Variants in ELMOD1 observed in about 807,000 individuals in gnomAD.
ELMOD1 encodes the protein ELMO domain-containing protein 1.
Under a neutral mutation model 46.7 loss-of-function variants are expected in ELMOD1, and 21 were observed. The observed-to-expected ratio is 0.45, with a 90% CI of 0.32 to 0.65. ELMOD1 has a LOEUF of 0.65. ELMOD1 is among the 30% of genes least tolerant of loss of function. The probability of loss-of-function intolerance (pLI) is 0.04; values close to 1 mark genes in which losing one functional copy is unlikely to be tolerated. For missense variants in ELMOD1, 348 were observed against 407.8 expected (o/e 0.85, Z 1.26); for synonymous variants, 122 against 138.2 (o/e 0.88, Z 0.82).
At chr11:107,631,108 T>A (rs1325206268) in intron 4 of ELMOD1, among the ~76,000 whole-genome samples, 1 of 152,172 alleles carries the variant, frequency 6.6e-6, no homozygotes, top group Non-Finnish European at 1.5e-5. Context: ...GCCACTATGC[T>A]AGCTTTTGTA....
chr11:107,621,852 C>A (rs1291560750), intron 2 of ELMOD1, among the ~76,000 whole-genome samples: 1 of 152,144 alleles, frequency 6.6e-6, no homozygotes, highest in Non-Finnish European at 1.5e-5. Context: ...CAAGGTGAAA[C>A]CCCATCTCTA....
intron 2 of ELMOD1, chr11:107,625,601 C>G (rs1175330954): frequency 1.0e-6 from 1 of 976,876 alleles, no homozygotes; most frequent in Non-Finnish European, 1.2e-6. Flanking sequence ...GTTTTGAAAG[C>G]CCCATCCCTC....
intron 1 of ELMOD1, among the ~76,000 whole-genome samples, chr11:107,616,671 G>T (rs545183368): frequency 6.6e-6 from 1 of 152,226 alleles, no homozygotes; most frequent in Non-Finnish European, 1.5e-5. Flanking sequence ...GAGCCAGGGT[G>T]CCTGGCCTGC....
At chr11:107,651,410 G>T (rs1866524007) in intron 9 of ELMOD1, among the ~76,000 whole-genome samples, 1 of 152,096 alleles carries the variant, frequency 6.6e-6, no homozygotes, top group Non-Finnish European at 1.5e-5. Flanking sequence ...TTAGTTGTTA[G>T]TACTCATGTT....
intron 2 of ELMOD1, among the ~76,000 whole-genome samples, chr11:107,618,869 G>T (rs944288545): frequency 9.9e-5 from 15 of 152,174 alleles, no homozygotes; most frequent in African/African-American, 3.4e-4. Context: ...TCTATTAATG[G>T]AATTCCCAGA....
At chr11:107,638,093 G>A (rs548698499) in intron 6 of ELMOD1, among the ~76,000 whole-genome samples, 4 of 151,960 alleles carry the variant, frequency 2.6e-5, no homozygotes, top group African/African-American at 9.7e-5. Context: ...AGAATAAGTC[G>A]TGCCATACCA....
chr11:107,638,667 C>T (rs1866269362), intron 6 of ELMOD1, among the ~76,000 whole-genome samples: 1 of 152,154 alleles, frequency 6.6e-6, no homozygotes, highest in Admixed American at 6.5e-5. Flanking sequence ...AGTCAGCAAA[C>T]CAAGGCCTGC....
chr11:107,612,680 T>TCA (rs1206923545), intron 1 of ELMOD1, among the ~76,000 whole-genome samples: 2 of 152,242 alleles, frequency 1.3e-5, no homozygotes, highest in Admixed American at 6.5e-5. Flanking sequence ...GCTCAGAACA[T>TCA]CACACACACA....
intron 5 of ELMOD1, 54 bp downstream of exon 5, chr11:107,631,731 G>A: frequency 1.0e-6 from 1 of 960,144 alleles, no homozygotes; most frequent in Non-Finnish European, 1.5e-6. Flanking sequence ...CATGGCCACA[G>A]GTTTAGTGTT....
At chr11:107,600,350 G>C (rs1346180694) in intron 1 of ELMOD1, 1 of 151,764 alleles carries the variant, frequency 6.6e-6, no homozygotes, top group Admixed American at 6.6e-5. Context: ...AGTCTTTGAA[G>C]GTTTTTTAAA....
intron 1 of ELMOD1, among the ~76,000 whole-genome samples, chr11:107,601,244 A>G (rs537473436): frequency 6.6e-6 from 1 of 151,884 alleles, no homozygotes; most frequent in East Asian, 1.9e-4. Context: ...TCTCTTATAC[A>G]TGTTTCTCCT....
chr11:107,592,557 C>G, intron 1 of ELMOD1: 1 of 346,072 alleles, frequency 2.9e-6, no homozygotes, highest in East Asian at 7.0e-5. Flanking sequence ...TATGACAACA[C>G]GTAGTTACAG....
intron 1 of ELMOD1, among the ~76,000 whole-genome samples, chr11:107,598,791 T>G (rs1211040050): frequency 6.6e-6 from 1 of 152,248 alleles, no homozygotes; most frequent in East Asian, 1.9e-4. Flanking sequence ...TGTGTCAGCA[T>G]TTCAAGTGTT....
intron 5 of ELMOD1, among the ~76,000 whole-genome samples, chr11:107,631,932 T>C (rs1565380887): frequency 6.6e-6 from 1 of 152,206 alleles, no homozygotes; most frequent in East Asian, 1.9e-4. Flanking sequence ...AGTGCCCCGA[T>C]AGAGAAAGAT....
chr11:107,611,028 G>A (rs778385850), intron 1 of ELMOD1, among the ~76,000 whole-genome samples: 1 of 144,288 alleles, frequency 6.9e-6, no homozygotes, highest in Non-Finnish European at 1.5e-5. Flanking sequence ...GAAAACCTAG[G>A]GAACATCATT....
At chr11:107,626,361 A>G (rs1201807912) in intron 2 of ELMOD1, among the ~76,000 whole-genome samples, 1 of 149,846 alleles carries the variant, frequency 6.7e-6, no homozygotes, top group Non-Finnish European at 1.5e-5. Flanking sequence ...GCCTCCTCCC[A>G]AAGCATGCAG....
intron 1 of ELMOD1, chr11:107,592,349 C>A (rs1204746981): frequency 1.9e-6 from 1 of 533,946 alleles, no homozygotes; most frequent in African/African-American, 1.9e-5. Flanking sequence ...CCCAGTGGGC[C>A]GTAGATTGGT....
At chr11:107,599,246 C>G (rs114551754) in intron 1 of ELMOD1, among the ~76,000 whole-genome samples, 326 of 152,220 alleles carry the variant, frequency 2.1e-3, no homozygotes, top group African/African-American at 7.6e-3. Flanking sequence ...ATAAATACTG[C>G]ATTTCATCCA....
intron 1 of ELMOD1, among the ~76,000 whole-genome samples, chr11:107,610,310 A>T (rs2135664975): frequency 6.6e-6 from 1 of 152,266 alleles, no homozygotes; most frequent in East Asian, 1.9e-4. Context: ...TTATGTATGA[A>T]CAAAAAGGGT....
Sources: gnomAD v4.1 joint callset for allele counts (sites outside exome capture counted in the v4.1 genomes callset) on GRCh38, gnomAD v4.1.1 for gene constraint, MANE v1.5 for transcripts, NCBI Gene and HGNC (gene_info 2026-07-23, HGNC 2026-07-21) for gene names.